TRIM37: variants seen among roughly 807,000 people sequenced by gnomAD.
TRIM37 encodes E3 ubiquitin-protein ligase TRIM37.
TRIM37 carries 80 observed loss-of-function variants against 129.8 expected under a neutral mutation model. That is an observed-to-expected ratio of 0.62 (90% CI 0.51 to 0.74). TRIM37 has a LOEUF of 0.74. TRIM37 is among the 30% of genes least tolerant of loss of function. The pLI is 0.00. For missense variants in TRIM37, 1,054 were observed against 1,176.5 expected, an observed-to-expected ratio of 0.90 and a Z score of 1.52; for synonymous variants, 389 against 387.1, an observed-to-expected ratio of 1.00 and a Z score of -0.06.
rs1199195173 is a variant in TRIM37 at position 59,028,787 on chromosome 17, T to C, written c.1949-64A>G. The C allele has an allele frequency of 3.9e-5, 60 of 1,557,366 alleles. No individual in the cohort carries two copies. In the South Asian group the frequency reaches 6.1e-4, roughly 16 times the overall value. On this transcript the variant is annotated intron_variant, in intron 18 of 23. Transcript: ENST00000262294. ...AATATTAATGAAATCATTTGTACCA[T>C]GAATATATGCAAATTTGATGTGTAA...
Position 59,031,890 on chromosome 17 carries a change from T to C in TRIM37, c.1948+6A>G, listed in dbSNP as rs748407514. On this transcript the variant is annotated splice_donor_region_variant and intron_variant, in intron 18 of 23. Transcript: ENST00000262294. Reference sequence around the variant, plus strand: ...AAAAAGGAAATTATCATTGTTATTATTTTACCTGTGGGCTGCAGAAGTGAA... The same window carrying C: ...AAAAAGGAAATTATCATTGTTATTACTTTACCTGTGGGCTGCAGAAGTGAA... The C allele has an allele frequency of 1.1e-5, 18 of 1,613,528 alleles. No individual in the cohort carries two copies. Among genetic ancestry groups the C allele is most frequent in the Middle Eastern group, 1.6e-4 (1 of 6,080 alleles).
At chr17:59,099,606 T>C (rs565545339) in intron 2 of TRIM37, among the ~76,000 whole-genome samples, 1 of 152,064 alleles carries the variant, frequency 6.6e-6, no homozygotes, top group African/African-American at 2.4e-5. Context: ...GGATGGTAAA[T>C]AACTCCTGGA....
At chr17:58,990,450 C>T (rs1023217365) in intron 24 of TRIM37, among the ~76,000 whole-genome samples, 3 of 151,488 alleles carry the variant, frequency 2.0e-5, no homozygotes, top group Non-Finnish European at 4.4e-5. Context: ...GAGATCGAGC[C>T]ACTGCACTCC....
At chr17:59,018,321 A>T (rs2036193076) in intron 19 of TRIM37, among the ~76,000 whole-genome samples, 1 of 152,202 alleles carries the variant, frequency 6.6e-6, no homozygotes, top group Non-Finnish European at 1.5e-5. Flanking sequence ...AATCTCTTTT[A>T]AAAATACATT....
At chr17:59,093,758 G>C (rs1408757120) in intron 2 of TRIM37, among the ~76,000 whole-genome samples, 1 of 152,014 alleles carries the variant, frequency 6.6e-6, no homozygotes, top group Non-Finnish European at 1.5e-5. Context: ...TTGCTTATAT[G>C]GTCCCTCCCT....
chr17:59,023,998 G>A (rs1415104486), intron 19 of TRIM37, among the ~76,000 whole-genome samples: 2 of 151,946 alleles, frequency 1.3e-5, no homozygotes, highest in African/African-American at 4.8e-5. Context: ...TGGATCACCT[G>A]AGGTCAGGAG....
chr17:59,048,622 A>T (rs2040046648), intron 15 of TRIM37, among the ~76,000 whole-genome samples: 1 of 151,978 alleles, frequency 6.6e-6, no homozygotes, highest in Non-Finnish European at 1.5e-5. Context: ...TTTGAGACAG[A>T]GTCTTGCTCT....
chr17:59,036,726 T>A (rs985449970), intron 17 of TRIM37, among the ~76,000 whole-genome samples: 1 of 152,128 alleles, frequency 6.6e-6, no homozygotes, highest in African/African-American at 2.4e-5. Flanking sequence ...TATACCTAGC[T>A]TTTATATAAG....
Position 58,998,338 on chromosome 17 carries a change from G to A in TRIM37, c.*1039C>T, listed in dbSNP as rs2144360184. 1 of 985,310 alleles carries A rather than the reference G, an allele frequency of 1.0e-6. No individual in the cohort carries two copies. 61.0% of individuals were successfully genotyped at this position (985,310 alleles called of 1,614,324 possible). A position where few individuals can be genotyped will look rare whatever the true frequency, so the allele number is the denominator to read the frequency against. ...CTAAGTAAAATACAGCAGATGAGAT[G>A]TCTCTCACATGTATATTTAATTATT... On this transcript the variant is annotated 3_prime_UTR_variant, in exon 24 of 24. Transcript: ENST00000262294.
At chr17:59,106,403 G>C in intron 1 of TRIM37, 38 bp downstream of exon 1, 1 of 1,613,324 alleles carries the variant, frequency 6.2e-7, no homozygotes, top group East Asian at 2.2e-5. Context: ...TCATCGGGTG[G>C]GGGCGGGGAC....
chr17:59,056,710 T>C (rs1251073988), intron 13 of TRIM37, among the ~76,000 whole-genome samples, 165 bp downstream of exon 13: 2 of 26,288 alleles, frequency 7.6e-5, no homozygotes, highest in African/African-American at 1.9e-4. Context: ...AGCGAGACTA[T>C]GTCTCCAAAA....
At chr17:58,977,709 CCTA>C (rs2031099061), downstream of TRIM37, among the ~76,000 whole-genome samples, 1 of 152,068 alleles carries the variant, frequency 6.6e-6, no homozygotes, top group African/African-American at 2.4e-5. Context: ...AGCTTTCTAG[CCTA>C]TTTGAGGATT....
chr17:58,982,356 C>G (rs2031406590), downstream of TRIM37: 1 of 152,246 alleles, frequency 6.6e-6, no homozygotes, highest in Non-Finnish European at 1.5e-5. Flanking sequence ...AGTGAAGCAG[C>G]CTCTGATTCT....
intron 24 of TRIM37, among the ~76,000 whole-genome samples, chr17:58,990,814 G>A (rs2144107927): frequency 7.0e-6 from 1 of 142,552 alleles, no homozygotes; most frequent in Non-Finnish European, 1.5e-5. Context: ...AGAAAGAAAG[G>A]AAAAAGAAAA....
intron 8 of TRIM37, among the ~76,000 whole-genome samples, chr17:59,072,827 T>C (rs1265472657): frequency 2.6e-5 from 4 of 152,060 alleles, no homozygotes; most frequent in Admixed American, 6.6e-5. Context: ...AATGATATCA[T>C]GTTTGAGCTA....
chr17:59,049,997 T>C (rs1297258507), intron 14 of TRIM37, among the ~76,000 whole-genome samples: 2 of 152,206 alleles, frequency 1.3e-5, no homozygotes, highest in East Asian at 3.8e-4. Flanking sequence ...TGAAAGCATG[T>C]ATTTATTCAC....
intron 24 of TRIM37, among the ~76,000 whole-genome samples, chr17:58,986,429 C>G (rs2031817032): frequency 6.6e-6 from 1 of 151,746 alleles, no homozygotes; most frequent in African/African-American, 2.4e-5. Flanking sequence ...GAACTCCTGA[C>G]CTCAGATGAT....
chr17:59,088,054 T>TG (rs1288002342), intron 4 of TRIM37: 4 of 596,690 alleles, frequency 6.7e-6, no homozygotes, highest in South Asian at 6.2e-5. Context: ...ACTTTCTGTG[T>TG]GGGGGGAGGG....
At chr17:59,014,353 T>A (rs2035646067) in intron 21 of TRIM37, among the ~76,000 whole-genome samples, 1 of 152,224 alleles carries the variant, frequency 6.6e-6, no homozygotes, top group African/African-American at 2.4e-5. Flanking sequence ...GAAATAGGTT[T>A]AATATCCATA....
Sources: gnomAD v4.1 joint callset for allele counts (sites outside exome capture counted in the v4.1 genomes callset) on GRCh38, gnomAD v4.1.1 for gene constraint, MANE v1.5 for transcripts, NCBI Gene and HGNC (gene_info 2026-07-23, HGNC 2026-07-21) for gene names.